Variants in ZNF133 observed in about 807,000 individuals in gnomAD.
ZNF133 encodes zinc finger protein 133, also known as zinc finger protein 133 (clone pHZ-13).
ZNF133 carries 26 observed loss-of-function variants against 54.9 expected under a neutral mutation model. The observed-to-expected ratio is 0.47, with a 90% CI of 0.35 to 0.66. The LOEUF (loss-of-function observed/expected upper bound fraction) is 0.66. Among genes scored for constraint, ZNF133 ranks in the 30% least tolerant of loss-of-function variants. The pLI is 0.01. For synonymous variants in ZNF133, 298 were observed against 320.3 expected, an observed-to-expected ratio of 0.93 and a Z score of 0.74; for missense variants, 653 against 820.8, an observed-to-expected ratio of 0.80 and a Z score of 2.50.
Position 18,306,499 on chromosome 20 carries a change from C to A in ZNF133, c.217+106C>A, listed in dbSNP as rs73253794. ...CTGGGGAGGGAAGCTGTTCCCCTGA[C>A]CTCCTGGGCTGCTGTTTAGATTGCC... On this transcript the variant is annotated intron_variant, in intron 6 of 6. Coordinates refer to ENST00000425686, the MANE Select transcript of ZNF133 (RefSeq NM_001352452.2). 7.2e-3 allele frequency: 8,202 copies of A among 1,144,178 alleles called. 303 individuals carry two copies. The African/African-American group carries it at 0.088, about 12-fold the overall frequency. 70.9% of individuals were successfully genotyped at this position (1,144,178 alleles called of 1,614,324 possible).
intron 3 of ZNF133, among the ~76,000 whole-genome samples, chr20:18,298,693 T>G (rs2042726928): frequency 6.6e-6 from 1 of 152,202 alleles, no homozygotes. Context: ...CCCTGAAAGC[T>G]ACTTCAGCCA....
Position 18,305,822 on chromosome 20 carries a change from T to TG in ZNF133, c.121+16dup, listed in dbSNP as rs1363529693. The TG allele has an allele frequency of 6.3e-7, 1 of 1,596,618 alleles. No individual in the cohort carries two copies. The highest frequency in any genetic ancestry group is 1.3e-5 in the African/African-American group (1 of 74,152). The stretch of plus-strand genomic sequence containing the variant: ...GGTCTCACTGGGTAAGCCTGATATC[T>TG]GTTAGGATTCCCATTCTTATTGCTG... On this transcript the variant is annotated intron_variant, in intron 5 of 6. Coordinates refer to ENST00000425686, the MANE Select transcript of ZNF133 (RefSeq NM_001352452.2). This position sits in a 1 kb window ranked among gnomAD's most constrained non-coding sequence, Gnocchi z 4.7.
Position 18,304,478 on chromosome 20 carries a change from A to G in ZNF133, c.-177-530A>G, listed in dbSNP as rs148911441. 3.3e-5 allele frequency among the ~76,000 whole-genome samples: 5 copies of G among 152,356 alleles called. No individual in the cohort carries two copies. In the East Asian group the frequency reaches 5.8e-4, roughly 18 times the overall value. On this transcript the variant is annotated intron_variant, in intron 3 of 6. Coordinates refer to ENST00000425686, the MANE Select transcript of ZNF133 (RefSeq NM_001352452.2). Reference sequence around the variant, plus strand: ...GCATGGAAGAATAGCCAGAAGCTAGAAACAAACCAAATGTCTATTAACAGG... The same window carrying G: ...GCATGGAAGAATAGCCAGAAGCTAGGAACAAACCAAATGTCTATTAACAGG...
At chr20:18,307,994 TAAAC>T (rs141040347) in intron 6 of ZNF133, among the ~76,000 whole-genome samples, 4,166 of 152,272 alleles carry the variant, frequency 0.027, 197 homozygotes, top group African/African-American at 0.091. Context: ...AGTTTGTTGT[TAAAC>T]AAAGAGAAGT....
intron 6 of ZNF133, among the ~76,000 whole-genome samples, chr20:18,307,687 T>C (rs958765523): frequency 6.6e-6 from 1 of 152,180 alleles, no homozygotes; most frequent in African/African-American, 2.4e-5. Context: ...TTTCCATATT[T>C]TTAAATCTTT....
intron 3 of ZNF133, among the ~76,000 whole-genome samples, chr20:18,299,810 G>A (rs1189198193): frequency 6.6e-6 from 1 of 152,182 alleles, no homozygotes; most frequent in East Asian, 1.9e-4. Context: ...AAAAGAAAAC[G>A]AACAAACAAA....
intron 6 of ZNF133, among the ~76,000 whole-genome samples, chr20:18,308,809 C>T (rs76160457): frequency 3.2e-4 from 48 of 152,264 alleles, no homozygotes; most frequent in African/African-American, 1.1e-3. Flanking sequence ...GAGACTTGCT[C>T]AGGGGTTGAC....
rs1351896648 is a variant in ZNF133, at chr20:18,299,669, CAG to C, written c.-178+1208_-178+1209del. On this transcript the variant is annotated intron_variant, in intron 3 of 6. Transcript: ENST00000425686. Reference sequence around the variant, plus strand: ...TCAAAGCATCAAAAGCCAAAGGTAACAGAGGGATTTTTGAAAGCAGCAAGAGA... The same window carrying C: ...TCAAAGCATCAAAAGCCAAAGGTAACAGGGATTTTTGAAAGCAGCAAGAGA... Among the ~76,000 whole-genome samples the C allele has an allele frequency of 2.6e-5, 4 of 152,220 alleles. No individual in the cohort carries two copies. In the East Asian group the frequency reaches 7.7e-4, roughly 29 times the overall value.
intron 1 of ZNF133, among the ~76,000 whole-genome samples, chr20:18,293,011 A>T (rs945517162): frequency 1.3e-5 from 2 of 152,206 alleles, no homozygotes; most frequent in Admixed American, 6.5e-5. Flanking sequence ...AGGTAGAGAG[A>T]AGTAGTCATG....
chr20:18,301,465 C>T (rs1054887126), intron 3 of ZNF133, among the ~76,000 whole-genome samples: 2 of 152,020 alleles, frequency 1.3e-5, no homozygotes, highest in Non-Finnish European at 2.9e-5. Flanking sequence ...TAGCAGAAAG[C>T]AACAAAACTT....
intron 1 of ZNF133, among the ~76,000 whole-genome samples, chr20:18,291,681 C>T (rs1328892403): frequency 6.6e-6 from 1 of 151,864 alleles, no homozygotes; most frequent in African/African-American, 2.4e-5. Context: ...TGGTCCCCTA[C>T]TGTCTCCTTC....
At chr20:18,314,266 C>T (rs2046874826) in intron 6 of ZNF133, 1 of 152,174 alleles carries the variant, frequency 6.6e-6, no homozygotes, top group Non-Finnish European at 1.5e-5. Context: ...TGATTGCCTT[C>T]AGCTGACTAG....
intron 3 of ZNF133, among the ~76,000 whole-genome samples, chr20:18,300,172 A>G (rs1009262827): frequency 6.6e-6 from 1 of 152,200 alleles, no homozygotes; most frequent in Non-Finnish European, 1.5e-5. Flanking sequence ...ATAAAGATGT[A>G]ATTTTGTGAC....
intron 1 of ZNF133, among the ~76,000 whole-genome samples, chr20:18,291,767 C>G (rs1433136042): frequency 1.3e-5 from 2 of 150,254 alleles, no homozygotes; most frequent in African/African-American, 4.9e-5. Flanking sequence ...GGCTGGAGTG[C>G]AGTGGCACAA....
At chr20:18,293,476 G>C (rs1408767014) in intron 1 of ZNF133, among the ~76,000 whole-genome samples, 3 of 152,226 alleles carry the variant, frequency 2.0e-5, no homozygotes, top group African/African-American at 4.8e-5. Context: ...AGTGAAAGCT[G>C]TCTGGCCTTC....
Position 18,315,610 on chromosome 20 carries a change from A to G in ZNF133, c.759A>G (p.Leu253=). 1 of 1,612,644 alleles carries G rather than the reference A, an allele frequency of 6.2e-7. No homozygotes were observed. The highest frequency in any genetic ancestry group is 8.5e-7 in the Non-Finnish European group (1 of 1,179,510). The change falls in exon 7 of 7, where the codon CTA becomes CTG. Residue 253 remains leucine, a synonymous_variant. Transcript: ENST00000425686. ...VCGVCEKGFS[L]KKSLARHQKA... ...GGGTATGTGAGAAGGGCTTCAGCCT[A>G]AAGAAGAGCCTCGCCAGACACCAGA... is the stretch of plus-strand genomic sequence containing the variant.
chr20:18,310,367 CA>C, intron 6 of ZNF133: 1 of 1,468,236 alleles, frequency 6.8e-7, no homozygotes, highest in Non-Finnish European at 9.0e-7. Context: ...TTAAGACAGG[CA>C]ATATCAGAAT....
chr20:18,293,748 AG>A (rs1252364807), intron 1 of ZNF133, among the ~76,000 whole-genome samples: 1 of 152,210 alleles, frequency 6.6e-6, no homozygotes, highest in Non-Finnish European at 1.5e-5. Context: ...TTAGAATGAA[AG>A]GGGGAAAAAG....
At chr20:18,306,438 T>G in intron 6 of ZNF133, 45 bp downstream of exon 6, 1 of 1,580,450 alleles carries the variant, frequency 6.3e-7, no homozygotes, top group Non-Finnish European at 8.7e-7. Flanking sequence ...GCTCAGCAGC[T>G]CAGAGGACTG....
Sources: allele counts gnomAD v4.1 joint callset (sites outside exome capture counted in the v4.1 genomes callset), GRCh38; gene constraint gnomAD v4.1.1; non-coding constraint Gnocchi (gnomAD v3.1); transcripts MANE v1.5; gene names NCBI Gene and HGNC (gene_info 2026-07-23, HGNC 2026-07-21).